FRMD4B: variants seen among roughly 807,000 people sequenced by gnomAD.
FRMD4B encodes FERM domain-containing protein 4B.
Under a neutral mutation model 141.5 loss-of-function variants are expected in FRMD4B, and 74 were observed. The observed-to-expected ratio is 0.52, with a 90% CI of 0.43 to 0.63. The LOEUF (loss-of-function observed/expected upper bound fraction) is 0.63. Among genes scored for constraint, FRMD4B ranks in the 30% least tolerant of loss-of-function variants. The probability of loss-of-function intolerance (pLI) is 0.00; values close to 1 mark genes in which losing one functional copy is unlikely to be tolerated. For missense variants in FRMD4B, 1,366 were observed against 1,253.4 expected (o/e 1.09, Z -1.36); for synonymous variants, 506 against 467.9 (o/e 1.08, Z -1.05).
chr3:69,372,481 A>G (rs1189856366), intron 1 of FRMD4B, among the ~76,000 whole-genome samples: 4 of 152,232 alleles, frequency 2.6e-5, no homozygotes, highest in African/African-American at 9.6e-5. Flanking sequence ...CCTGGCCAAC[A>G]TGGAGAAAGC....
At chr3:69,392,512 G>T (rs544997626) in intron 2 of FRMD4B, among the ~76,000 whole-genome samples, 6 of 152,130 alleles carry the variant, frequency 3.9e-5, no homozygotes, top group Non-Finnish European at 7.4e-5. Context: ...ATGCTTGATG[G>T]TTGGGGGACC....
At chr3:69,194,747 T>C (rs1340338388) in intron 16 of FRMD4B, among the ~76,000 whole-genome samples, 2 of 152,234 alleles carry the variant, frequency 1.3e-5, no homozygotes, top group African/African-American at 4.8e-5. Flanking sequence ...ACAAACCTAA[T>C]GCTGGAGTTC....
intron 1 of FRMD4B, among the ~76,000 whole-genome samples, chr3:69,501,228 C>CTTTTT (rs534864440): frequency 8.5e-6 from 1 of 117,300 alleles, no homozygotes; most frequent in Non-Finnish European, 1.8e-5. Context: ...CATGGACCTT[C>CTTTTT]TTTTTTTTTT....
rs73838319 is a variant in FRMD4B, at chr3:69,233,946, A to G, written c.582-9256T>C. On this transcript the variant is annotated intron_variant, in intron 7 of 22. Transcript: ENST00000398540. ...ATGGGACAGGATTAGTGATCATAGC[A>G]GCTACAAAAGTTTATTTAGGCCAGG... is the stretch of plus-strand genomic sequence containing the variant. 1.7e-3 allele frequency among the ~76,000 whole-genome samples: 257 copies of G among 152,260 alleles called. 2 individuals are homozygous for G. Among genetic ancestry groups the G allele is most frequent in the African/African-American group, 6.1e-3 (252 of 41,552 alleles).
At chr3:69,296,346 C>T (rs1481444281) in intron 4 of FRMD4B, among the ~76,000 whole-genome samples, 4 of 152,088 alleles carry the variant, frequency 2.6e-5, no homozygotes, top group African/African-American at 7.2e-5. Context: ...AGGGAATACA[C>T]CGAGAAATAG....
intron 4 of FRMD4B, among the ~76,000 whole-genome samples, chr3:69,289,960 CCTTA>C (rs1700818224): frequency 6.6e-6 from 1 of 152,158 alleles, no homozygotes; most frequent in Non-Finnish European, 1.5e-5. Context: ...TTGGACCTCT[CCTTA>C]CTTCTCCAGA....
intron 4 of FRMD4B, chr3:69,293,041 G>A (rs761090683): frequency 2.2e-4 from 101 of 453,162 alleles, no homozygotes; most frequent in Non-Finnish European, 1.1e-4. Flanking sequence ...TGTTATTTGG[G>A]CTCCTCCCAT....
intron 1 of FRMD4B, among the ~76,000 whole-genome samples, chr3:69,367,690 T>C (rs1219344239): frequency 1.3e-5 from 2 of 152,244 alleles, no homozygotes; most frequent in East Asian, 1.9e-4. Context: ...TAGAATCCCA[T>C]AGTACCGAGG....
In FRMD4B at chr3:69,369,618, T is replaced by A. The variant is rs1489961045; in HGVS notation, c.162+16210A>T. Among the ~76,000 whole-genome samples the A allele has an allele frequency of 4.6e-5, 7 of 152,180 alleles. No homozygotes were observed. In the East Asian group the frequency reaches 1.4e-3, roughly 29 times the overall value. On this transcript the variant is annotated intron_variant, in intron 1 of 22. Transcript: ENST00000398540. Reference sequence around the variant, plus strand: ...ACACATTCACTAAAAAATAAAAAAATCTCATTCCCAAAAAGAATTTGAGAG... The same window carrying A: ...ACACATTCACTAAAAAATAAAAAAAACTCATTCCCAAAAAGAATTTGAGAG...
At chr3:69,386,327 C>A (rs1338856159), upstream of FRMD4B, 1 of 223,796 alleles carries the variant, frequency 4.5e-6, no homozygotes, top group African/African-American at 2.3e-5. Flanking sequence ...CTCCCCCTGG[C>A]GCTTCCCCAG....
At chr3:69,277,129 T>C (rs1310740938) in intron 5 of FRMD4B, among the ~76,000 whole-genome samples, 1 of 152,200 alleles carries the variant, frequency 6.6e-6, no homozygotes, top group Admixed American at 6.5e-5. Flanking sequence ...TATTTTTTAA[T>C]AGGATTACTA....
chr3:69,402,295 C>A (rs1704576428), intron 2 of FRMD4B, among the ~76,000 whole-genome samples: 1 of 152,122 alleles, frequency 6.6e-6, no homozygotes, highest in South Asian at 2.1e-4. Context: ...CATCTTGTTG[C>A]CACAATGAGG....
chr3:69,489,404 G>A (rs1427330259), intron 1 of FRMD4B, among the ~76,000 whole-genome samples: 2 of 150,838 alleles, frequency 1.3e-5, no homozygotes, highest in Admixed American at 1.3e-4. Context: ...ATATAAATGA[G>A]CCAATCTAAA....
Position 69,536,495 on chromosome 3 carries a change from G to A in FRMD4B, c.-129+5711C>T, listed in dbSNP as rs75576689. 8.9e-4 allele frequency: 620 copies of A among 696,858 alleles called. 15 individuals carry two copies. In the East Asian group the frequency reaches 0.017, roughly 19 times the overall value. 43.2% of individuals were successfully genotyped at this position (696,858 alleles called of 1,614,324 possible). On this transcript the variant is annotated intron_variant, in intron 1 of 5. Coordinates refer to the FRMD4B transcript ENST00000459638. ...ACGGCCACCGCCAACGTGCCCTAGC[G>A]CTACTCCCCAGCCTGCAGCGCCTCT...
chr3:69,194,675 G>C (rs1256455896), intron 16 of FRMD4B, among the ~76,000 whole-genome samples: 1 of 152,162 alleles, frequency 6.6e-6, no homozygotes, highest in African/African-American at 2.4e-5. Flanking sequence ...ACTGAGGCCT[G>C]AGAAATGAGA....
chr3:69,171,764 A>C lies in FRMD4B; in HGVS notation c.*97T>G. ...CTTCTCTTCAACCTTTGATGTCTTT[A>C]GGTTTCTAAAACGAACATCCTCTCG... is the stretch of plus-strand genomic sequence containing the variant. On this transcript the variant is annotated 3_prime_UTR_variant, in exon 23 of 23. Transcript: ENST00000398540. 1 of 1,199,678 alleles carries C rather than the reference A, an allele frequency of 8.3e-7. No individual in the cohort carries two copies. The highest frequency in any genetic ancestry group is 1.2e-6 in the Non-Finnish European group (1 of 827,706). 74.3% of individuals were successfully genotyped at this position (1,199,678 alleles called of 1,614,324 possible).
chr3:69,244,761 G>A (rs555395448), intron 7 of FRMD4B, among the ~76,000 whole-genome samples: 2 of 151,536 alleles, frequency 1.3e-5, no homozygotes, highest in Non-Finnish European at 2.9e-5. Flanking sequence ...GGGCATGGTT[G>A]TATGTGCCTG....
Position 69,169,353 on chromosome 3 carries a change from CTTTTTTTT to C in FRMD4B, c.*2500_*2507del, listed in dbSNP as rs140202368. 0.28 allele frequency among the ~76,000 whole-genome samples: 8,176 copies of C among 29,218 alleles called. 649 individuals are homozygous for C. Among genetic ancestry groups the C allele is most frequent in the South Asian group, 0.44 (653 of 1,468 alleles). The allele number at this position is 29,218 out of a possible 152,430, so 19.2% of individuals were successfully genotyped here. On this transcript the variant is annotated 3_prime_UTR_variant, in exon 23 of 23. Coordinates refer to ENST00000398540, the MANE Select transcript of FRMD4B (RefSeq NM_015123.3). ...AGGATTGCTGAACTTCCATTTCTTTCTTTTTTTTTTTTTTTTTTTTTTCTTGAGACAAG... is the reference window on the plus strand; with the variant it reads ...AGGATTGCTGAACTTCCATTTCTTTCTTTTTTTTTTTTTTCTTGAGACAAG...
At chr3:69,435,226 G>A (rs943113720) in intron 1 of FRMD4B, among the ~76,000 whole-genome samples, 1 of 152,212 alleles carries the variant, frequency 6.6e-6, no homozygotes, top group Non-Finnish European at 1.5e-5. Context: ...TTCTGGTACC[G>A]CAGAGATGAA....
Sources: gnomAD v4.1 joint callset for allele counts (sites outside exome capture counted in the v4.1 genomes callset) on GRCh38, gnomAD v4.1.1 for gene constraint, MANE v1.5 for transcripts, NCBI Gene and HGNC (gene_info 2026-07-23, HGNC 2026-07-21) for gene names.